The following GPX6 variants were observed in gnomAD, a reference collection of about 807,000 sequenced individuals.
GPX6 encodes the protein glutathione peroxidase 6.
Under a neutral mutation model 20.0 loss-of-function variants are expected in GPX6, and 21 were observed. The observed-to-expected ratio is 1.05, with a 90% CI of 0.74 to 1.51. The LOEUF is 1.51. GPX6 is among the 40% of genes most tolerant of loss of function. The pLI is 0.00. For synonymous variants in GPX6, 75 were observed against 98.0 expected, an observed-to-expected ratio of 0.77 and a Z score of 1.38; for missense variants, 233 against 254.7, an observed-to-expected ratio of 0.91 and a Z score of 0.58.
intron 1 of GPX6, among the ~76,000 whole-genome samples, chr6:28,513,462 G>A (rs1762953852): frequency 6.6e-6 from 1 of 152,186 alleles, no homozygotes; most frequent in Non-Finnish European, 1.5e-5. Context: ...GAAGCAGCGA[G>A]CCACACGCCC....
rs560402195 is a variant in GPX6 at position 28,509,207 on chromosome 6, GA to G, written c.241+1543del. Among the ~76,000 whole-genome samples the G allele has an allele frequency of 1.4e-4, 21 of 152,028 alleles. 1 individual carries two copies. In the South Asian group the frequency reaches 4.4e-3, roughly 32 times the overall value. On this transcript the variant is annotated intron_variant, in intron 2 of 4. Transcript: ENST00000361902. ...GAACAGATAATAGTGTCAATGTGTGGAAAATTTTTCTTAAAACTTGTTTTTG... is the reference window on the plus strand; with the variant it reads ...GAACAGATAATAGTGTCAATGTGTGGAAATTTTTCTTAAAACTTGTTTTTG...
At chr6:28,510,981 C>A in intron 1 of GPX6, 77 bp from the exon 2 acceptor site, 1 of 1,261,844 alleles carries the variant, frequency 7.9e-7, no homozygotes, top group Non-Finnish European at 1.1e-6. Flanking sequence ...TTTCAAAACA[C>A]TCGAAGACCC....
chr6:28,508,224 C>T (rs146984855), intron 2 of GPX6, among the ~76,000 whole-genome samples: 11 of 152,182 alleles, frequency 7.2e-5, no homozygotes, highest in African/African-American at 1.9e-4. Context: ...CATGGAACTG[C>T]GTTTACACAT....
At chr6:28,505,144 T>C (rs1762795889) in intron 4 of GPX6, among the ~76,000 whole-genome samples, 3 of 152,234 alleles carry the variant, frequency 2.0e-5, no homozygotes, top group Non-Finnish European at 4.4e-5. Flanking sequence ...ATGTTGGTCT[T>C]ATATTCAATA....
intron 3 of GPX6, 150 bp from the exon 4 acceptor site, chr6:28,505,952 C>G (rs1665967211): frequency 1.5e-6 from 1 of 646,786 alleles, no homozygotes; most frequent in African/African-American, 1.8e-5. Context: ...CTGTGGGAAG[C>G]AGGATTTTAT....
intron 1 of GPX6, among the ~76,000 whole-genome samples, chr6:28,514,022 A>C (rs930213679): frequency 2.0e-5 from 3 of 152,228 alleles, no homozygotes; most frequent in Non-Finnish European, 4.4e-5. Context: ...TTAGCCTAAG[A>C]AACCCACTAT....
In GPX6 at chr6:28,504,107, C is replaced by CACACACACAA. The variant is rs1762782497; in HGVS notation, c.*184_*185insTTGTGTGTGT. 2 of 607,220 alleles carry CACACACACAA rather than the reference C, an allele frequency of 3.3e-6. No individual in the cohort carries two copies. The highest frequency in any genetic ancestry group is 3.7e-5 in the African/African-American group (2 of 54,024). The allele number at this position is 607,220 out of a possible 1,614,324, so 37.6% of individuals were successfully genotyped here. On this transcript the variant is annotated 3_prime_UTR_variant, in exon 5 of 5. Transcript: ENST00000361902. ...ACAATTCTACATATCCATACACACA[C>CACACACACAA]ACACACACACACACACAGCTACACA...
At chr6:28,508,458 A>T (rs1581838404) in intron 2 of GPX6, among the ~76,000 whole-genome samples, 4 of 152,234 alleles carry the variant, frequency 2.6e-5, no homozygotes, top group African/African-American at 9.6e-5. Context: ...TCTTATAATA[A>T]AAATTTAGTC....
intron 1 of GPX6, 39 bp from the exon 2 acceptor site, chr6:28,510,943 A>C (rs770026129): frequency 3.2e-6 from 5 of 1,545,340 alleles, no homozygotes; most frequent in Non-Finnish European, 4.4e-6. Context: ...ATATAAGATA[A>C]AAAATAATTC....
At chr6:28,512,123 TGCTCCACGCCGCCCAGTCCCATCG>T (rs1434874742) in intron 1 of GPX6, among the ~76,000 whole-genome samples, 1 of 152,212 alleles carries the variant, frequency 6.6e-6, no homozygotes, top group Non-Finnish European at 1.5e-5. Flanking sequence ...CACCGCCCCC[TGCTCCACGCCGCCCAGTCCCATCG>T]GCCACCCAAG....
At chr6:28,512,191 G>C (rs1029541219) in intron 1 of GPX6, among the ~76,000 whole-genome samples, 1 of 152,268 alleles carries the variant, frequency 6.6e-6, no homozygotes, top group Non-Finnish European at 1.5e-5. Flanking sequence ...CGCGGGACTG[G>C]CAGGCAGCTC....
Position 28,515,654 on chromosome 6 carries a change from C to A in GPX6, c.87+3G>T. The A allele has an allele frequency of 1.2e-6, 2 of 1,612,984 alleles. No homozygotes were observed. The highest frequency in any genetic ancestry group is 8.5e-7 in the Non-Finnish European group (1 of 1,178,984). On this transcript the variant is annotated splice_donor_region_variant and intron_variant, in intron 1 of 4. Transcript: ENST00000361902. Reference sequence around the variant, plus strand: ...CAGCTCGGATCCCCTGCCCCATGCTCACCTTCCTATTTTGAGGCTTTAGGG... The same window carrying A: ...CAGCTCGGATCCCCTGCCCCATGCTAACCTTCCTATTTTGAGGCTTTAGGG...
intron 1 of GPX6, among the ~76,000 whole-genome samples, chr6:28,512,842 C>T (rs1044169896): frequency 6.6e-6 from 1 of 152,024 alleles, no homozygotes; most frequent in Admixed American, 6.6e-5. Flanking sequence ...AGAGCTGTAA[C>T]ACTGACCGCG....
At chr6:28,508,452 A>G (rs1411922374) in intron 2 of GPX6, among the ~76,000 whole-genome samples, 2 of 152,152 alleles carry the variant, frequency 1.3e-5, no homozygotes, top group African/African-American at 4.8e-5. Flanking sequence ...TTGGGCTCTT[A>G]TAATAAAAAT....
intron 2 of GPX6, among the ~76,000 whole-genome samples, chr6:28,507,135 A>G (rs566696886): frequency 3.2e-4 from 49 of 152,306 alleles, no homozygotes; most frequent in African/African-American, 1.1e-3. Flanking sequence ...ACTGTCAGGA[A>G]CCTTCCAGCT....
At chr6:28,507,056 C>T (rs908130276) in intron 2 of GPX6, among the ~76,000 whole-genome samples, 2 of 152,174 alleles carry the variant, frequency 1.3e-5, no homozygotes, top group African/African-American at 4.8e-5. Context: ...AGTGACCTAA[C>T]TGATGCTGCA....
At chr6:28,508,528 G>A (rs1315301331) in intron 2 of GPX6, among the ~76,000 whole-genome samples, 1 of 152,046 alleles carries the variant, frequency 6.6e-6, no homozygotes, top group African/African-American at 2.4e-5. Flanking sequence ...AATTGAGGCC[G>A]GGTGTGGTGG....
At chr6:28,510,669 A>T (rs1235535082) in intron 2 of GPX6, 82 bp downstream of exon 2, 1 of 1,423,306 alleles carries the variant, frequency 7.0e-7, no homozygotes, top group African/African-American at 1.4e-5. Context: ...TCCTCCAATA[A>T]CACATTGGTA....
At chr6:28,506,708 C>CAT (rs746527771) in intron 2 of GPX6, among the ~76,000 whole-genome samples, 1 of 107,556 alleles carries the variant, frequency 9.3e-6, no homozygotes, top group Non-Finnish European at 2.0e-5. Context: ...TTTTTTTAAA[C>CAT]ACACACACAC....
Sources: allele counts gnomAD v4.1 joint callset (sites outside exome capture counted in the v4.1 genomes callset), GRCh38; gene constraint gnomAD v4.1.1; transcripts MANE v1.5; gene names NCBI Gene and HGNC (gene_info 2026-07-23, HGNC 2026-07-21).